The following RYR3 variants were observed in gnomAD, a reference collection of about 807,000 sequenced individuals.
The protein encoded by RYR3 is brain ryanodine receptor-calcium release channel.
Under a neutral mutation model 584.3 loss-of-function variants are expected in RYR3, and 207 were observed. The ratio of observed to expected loss-of-function variants is 0.35; its 90% CI spans 0.32 to 0.40. RYR3 has a LOEUF of 0.40. Ranked by LOEUF, RYR3 falls within the 10% of genes least tolerant of loss-of-function variation. RYR3 has a pLI of 1.00. For missense variants in RYR3, 5,616 were observed against 6,089.2 expected, an observed-to-expected ratio of 0.92 and a Z score of 2.59; for synonymous variants, 2,416 against 2,248.5, an observed-to-expected ratio of 1.07 and a Z score of -2.11.
chr15:33,564,438 G>A (rs923747617), intron 11 of RYR3, among the ~76,000 whole-genome samples: 3 of 152,176 alleles, frequency 2.0e-5, no homozygotes, highest in Admixed American at 6.5e-5. Context: ...TAGGCTTTCC[G>A]TTGATCTTTA....
intron 36 of RYR3, among the ~76,000 whole-genome samples, chr15:33,666,331 G>A (rs2063492335): frequency 6.6e-6 from 1 of 152,114 alleles, no homozygotes; most frequent in Non-Finnish European, 1.5e-5. Flanking sequence ...AATACGGTAT[G>A]TCTAGGGTGA....
At chr15:33,441,498 G>T (rs1386039817) in intron 1 of RYR3, among the ~76,000 whole-genome samples, 1 of 152,130 alleles carries the variant, frequency 6.6e-6, no homozygotes, top group African/African-American at 2.4e-5. Context: ...AGATAGGTGG[G>T]GAGTTGGGGG....
At chr15:33,605,916 T>C (rs2059882156) in intron 18 of RYR3, among the ~76,000 whole-genome samples, 1 of 152,246 alleles carries the variant, frequency 6.6e-6, no homozygotes, top group African/African-American at 2.4e-5. Context: ...TAAATTATTC[T>C]CCTTTTATTT....
chr15:33,337,928 T>C (rs1302051441), intron 1 of RYR3, among the ~76,000 whole-genome samples: 1 of 140,308 alleles, frequency 7.1e-6, no homozygotes, highest in Non-Finnish European at 1.5e-5. Flanking sequence ...TCAATCATTT[T>C]AGGAGATTTT....
intron 98 of RYR3, chr15:33,855,970 G>A (rs1038606822): frequency 9.2e-5 from 14 of 152,106 alleles, no homozygotes; most frequent in African/African-American, 3.4e-4. Flanking sequence ...ACCTTTGTAC[G>A]GGAGAGGGAG....
At chr15:33,571,648 C>T (rs1398540791) in intron 12 of RYR3, among the ~76,000 whole-genome samples, 1 of 152,078 alleles carries the variant, frequency 6.6e-6, no homozygotes, top group Non-Finnish European at 1.5e-5. Context: ...GTTTGTATGG[C>T]ATATTGTCTT....
intron 1 of RYR3, among the ~76,000 whole-genome samples, chr15:33,470,337 C>T (rs1310427494): frequency 6.6e-6 from 1 of 151,962 alleles, no homozygotes. Flanking sequence ...TGCTGTGAGG[C>T]CTACAAAAGG....
At chr15:33,701,897 T>C (rs2066330894) in intron 42 of RYR3, among the ~76,000 whole-genome samples, 1 of 152,132 alleles carries the variant, frequency 6.6e-6, no homozygotes, top group Non-Finnish European at 1.5e-5. Flanking sequence ...AGACTGGGTA[T>C]GACTGAAGCA....
intron 1 of RYR3, among the ~76,000 whole-genome samples, chr15:33,409,008 A>G (rs1407282834): frequency 2.6e-5 from 4 of 152,160 alleles, no homozygotes; most frequent in African/African-American, 9.7e-5. Flanking sequence ...TCAGATGAGG[A>G]AAAAAACCCT....
At chr15:33,733,143 G>GGT (rs1306788319) in intron 48 of RYR3, among the ~76,000 whole-genome samples, 1 of 152,232 alleles carries the variant, frequency 6.6e-6, no homozygotes, top group Non-Finnish European at 1.5e-5. Context: ...ATTCATTGCT[G>GGT]GTGGGAGTGA....
Position 33,363,756 on chromosome 15 carries a change from T to C in RYR3, c.51+52660T>C, listed in dbSNP as rs960330277. On this transcript the variant is annotated intron_variant, in intron 1 of 103. Transcript: ENST00000634891. ...AGATGGGTTCTCACACTCAGAACTT[T>C]CTGTGTCTCTAGATTGTGCTGTTCA... Among the ~76,000 whole-genome samples, 7 of 152,234 alleles carry C rather than the reference T, an allele frequency of 4.6e-5. No individual in the cohort carries two copies. The South Asian group carries it at 1.0e-3, about 23-fold the overall frequency.
At position 33,623,895 on chromosome 15, in the gene RYR3, A is replaced by G; in HGVS notation, c.2446A>G (p.Lys816Glu). ...CCCTTGCTATGAAGCCTTACTTCCA[A>G]AAGAGAAGATGAGATTGGAGCCTGT... ...YAPCYEALLP[K>E]EKMRLEPVKE... Residue 816 changes from lysine (K) to glutamate (E), a missense_variant, in exon 20 of 104, where the codon AAA becomes GAA. Coordinates refer to ENST00000634891, the MANE Select transcript of RYR3 (RefSeq NM_001036.6). The G allele has an allele frequency of 1.2e-6, 2 of 1,613,900 alleles. No individual in the cohort carries two copies. The highest frequency in any genetic ancestry group is 8.5e-7 in the Non-Finnish European group (1 of 1,179,830).
chr15:33,517,098 G>A (rs1194758862), intron 3 of RYR3, among the ~76,000 whole-genome samples: 3 of 152,060 alleles, frequency 2.0e-5, no homozygotes, highest in Admixed American at 6.5e-5. Flanking sequence ...GGGATCAAGC[G>A]ATTCTCCTGC....
chr15:33,759,789 A>G (rs913951793), intron 60 of RYR3, among the ~76,000 whole-genome samples: 6 of 152,188 alleles, frequency 3.9e-5, no homozygotes, highest in Non-Finnish European at 8.8e-5. Flanking sequence ...CAGGAAATAC[A>G]GAGAACACCA....
At chr15:33,810,936 A>T in intron 71 of RYR3, 42 bp from the exon 72 acceptor site, 1 of 1,541,158 alleles carries the variant, frequency 6.5e-7, no homozygotes, top group Non-Finnish European at 8.9e-7. Flanking sequence ...TGACAGTTCC[A>T]TGGTGATCTC....
chr15:33,801,432 G>A (rs952083848), intron 68 of RYR3, among the ~76,000 whole-genome samples: 1 of 152,208 alleles, frequency 6.6e-6, no homozygotes, highest in Non-Finnish European at 1.5e-5. Context: ...GGAAAGGGAA[G>A]GGGATTCTCT....
At position 33,819,813 on chromosome 15, in the gene RYR3, C is replaced by G. The variant is rs367640896; in HGVS notation, c.10758+6C>G. ...ATTCCAGCATGATGGCCAAGGTACA[C>G]CCAGGTTTTCTGCCCATTGTCTCTG... On this transcript the variant is annotated splice_donor_region_variant and intron_variant, in intron 77 of 103. Transcript: ENST00000634891. 2.9e-4 allele frequency: 452 copies of G among 1,585,954 alleles called. 3 individuals carry two copies. The highest frequency in any genetic ancestry group is 5.2e-4 in the South Asian group (44 of 85,176).
chr15:33,627,012 G>T (rs1367237959), intron 20 of RYR3, among the ~76,000 whole-genome samples: 4 of 152,116 alleles, frequency 2.6e-5, no homozygotes, highest in African/African-American at 9.7e-5. Flanking sequence ...CTGCCTAGTG[G>T]AGCTGTGAGA....
At chr15:33,587,602 G>A (rs2058921221) in intron 16 of RYR3, among the ~76,000 whole-genome samples, 3 of 152,208 alleles carry the variant, frequency 2.0e-5, no homozygotes, top group Admixed American at 2.0e-4. Context: ...TATGTTATCA[G>A]AGTAGCCTTT....
Sources: gnomAD v4.1 joint callset for allele counts (sites outside exome capture counted in the v4.1 genomes callset) on GRCh38, gnomAD v4.1.1 for gene constraint, MANE v1.5 for transcripts, NCBI Gene and HGNC (gene_info 2026-07-23, HGNC 2026-07-21) for gene names.